ZBTB38: variants seen among roughly 807,000 people sequenced by gnomAD.
The protein encoded by ZBTB38 is zinc finger and BTB domain-containing protein 38.
Under a neutral mutation model 76.8 loss-of-function variants are expected in ZBTB38, and 20 were observed. That is an observed-to-expected ratio of 0.26 (90% CI 0.18 to 0.38). The LOEUF is 0.38. Ranked by LOEUF, ZBTB38 falls within the 10% of genes least tolerant of loss-of-function variation. The probability of loss-of-function intolerance (pLI) is 1.00; values close to 1 mark genes in which losing one functional copy is unlikely to be tolerated. For missense variants in ZBTB38, 1,082 were observed against 1,482.3 expected (o/e 0.73, Z 4.43); for synonymous variants, 504 against 544.2 (o/e 0.93, Z 1.03).
At chr3:141,339,942 C>G (rs1028493751) in intron 1 of ZBTB38, among the ~76,000 whole-genome samples, 1 of 152,092 alleles carries the variant, frequency 6.6e-6, no homozygotes, top group African/African-American at 2.4e-5. Context: ...AACTATTTTG[C>G]TTATTACTTA....
rs147423934 is a variant in ZBTB38, at chr3:141,343,669, C to T, written c.-739+19213C>T. ...TTGAAGATACCAGGCAAGCTGGGAC[C>T]GACACAGAAAATGGACCAATATCTT... On this transcript the variant is annotated intron_variant, in intron 1 of 7. Coordinates refer to the ZBTB38 transcript ENST00000509842. 9.5e-4 allele frequency among the ~76,000 whole-genome samples: 145 copies of T among 152,228 alleles called. 1 individual carries two copies. The highest frequency in any genetic ancestry group is 3.3e-3 in the African/African-American group (137 of 41,532).
chr3:141,371,041 C>CTTTTT (rs1944488920), intron 2 of ZBTB38, among the ~76,000 whole-genome samples: 3 of 75,456 alleles, frequency 4.0e-5, no homozygotes, highest in Non-Finnish European at 8.0e-5. Flanking sequence ...TCTTTTCTTT[C>CTTTTT]TTTCTTTTTT....
At chr3:141,346,737 G>T (rs1467745386) in intron 1 of ZBTB38, among the ~76,000 whole-genome samples, 1 of 151,244 alleles carries the variant, frequency 6.6e-6, no homozygotes, top group African/African-American at 2.4e-5. Context: ...CAGGCTGAAG[G>T]CACCCCTGCT....
At chr3:141,342,239 C>T (rs905408002) in intron 1 of ZBTB38, among the ~76,000 whole-genome samples, 5 of 151,942 alleles carry the variant, frequency 3.3e-5, no homozygotes, top group Non-Finnish European at 7.4e-5. Context: ...GCAGGAGAAT[C>T]GCTTGAACCC....
chr3:141,384,317 C>G lies in ZBTB38; in HGVS notation c.-171-2555C>G, dbSNP rs530158384. Among the ~76,000 whole-genome samples, 4 of 152,360 alleles carry G rather than the reference C, an allele frequency of 2.6e-5. No homozygotes were observed. In the South Asian group the frequency reaches 8.3e-4, roughly 32 times the overall value. ...TAAAGGGAATAGAACACTATTTACT[C>G]ATCTCCTGGGAGCCTAATATGGATT... On this transcript the variant is annotated intron_variant, in intron 3 of 5. Coordinates refer to ENST00000321464, the MANE Select transcript of ZBTB38 (RefSeq NM_001376113.1).
chr3:141,399,355 C>A (rs934083618), intron 4 of ZBTB38, among the ~76,000 whole-genome samples: 6 of 152,160 alleles, frequency 3.9e-5, no homozygotes, highest in African/African-American at 1.4e-4. Flanking sequence ...ACACATTTAT[C>A]TGCCTGGCTC....
chr3:141,441,686 A>G (rs2080261764), intron 5 of ZBTB38, among the ~76,000 whole-genome samples: 1 of 152,168 alleles, frequency 6.6e-6, no homozygotes, highest in South Asian at 2.1e-4. Context: ...CTTTGCATAT[A>G]GGTACCACTT....
intron 1 of ZBTB38, among the ~76,000 whole-genome samples, chr3:141,326,864 A>G (rs997300953): frequency 3.9e-5 from 6 of 152,156 alleles, no homozygotes; most frequent in Admixed American, 3.9e-4. Flanking sequence ...CAGTTAGGCC[A>G]GGCTCGTTTG....
intron 1 of ZBTB38, among the ~76,000 whole-genome samples, chr3:141,360,194 C>A (rs77010587): frequency 0.058 from 8,870 of 152,176 alleles, 490 homozygotes; most frequent in Admixed American, 0.14. Context: ...ACACATGCAC[C>A]ACACAATTCA....
chr3:141,371,071 T>TTTTTG (rs869104925), intron 2 of ZBTB38, among the ~76,000 whole-genome samples: 1 of 134,474 alleles, frequency 7.4e-6, no homozygotes, highest in African/African-American at 3.1e-5. Context: ...TTTTTTTTTT[T>TTTTTG]GAGGCAGAGT....
At chr3:141,346,631 C>T (rs1295401071) in intron 1 of ZBTB38, among the ~76,000 whole-genome samples, 2 of 152,108 alleles carry the variant, frequency 1.3e-5, no homozygotes, top group African/African-American at 4.8e-5. Flanking sequence ...TACAGTGAGA[C>T]GCTCAGACGA....
At chr3:141,342,899 A>G (rs1419834623) in intron 1 of ZBTB38, among the ~76,000 whole-genome samples, 1 of 151,996 alleles carries the variant, frequency 6.6e-6, no homozygotes, top group Non-Finnish European at 1.5e-5. Flanking sequence ...CAGGTCTTTT[A>G]AGCTAGGGGT....
intron 1 of ZBTB38, among the ~76,000 whole-genome samples, chr3:141,334,405 TTTCC>T (rs56692861): frequency 0.19 from 24,251 of 130,082 alleles, 2,464 homozygotes; most frequent in South Asian, 0.23. Flanking sequence ...TCCTTCCTTC[TTTCC>T]TTCCTTCCTT....
chr3:141,381,199 C>T (rs1010767069), intron 2 of ZBTB38, among the ~76,000 whole-genome samples: 2 of 152,156 alleles, frequency 1.3e-5, no homozygotes, highest in African/African-American at 2.4e-5. Context: ...GTTTCAAATG[C>T]ACTGATGCAC....
chr3:141,429,301 G>A (rs6440007), intron 5 of ZBTB38, among the ~76,000 whole-genome samples: 27,420 of 150,140 alleles, frequency 0.18, 3,941 homozygotes, highest in African/African-American at 0.4. Flanking sequence ...TTGTGAGTGC[G>A]GGGGACGGCG....
intron 4 of ZBTB38, among the ~76,000 whole-genome samples, chr3:141,399,545 C>A (rs1376669154): frequency 1.3e-5 from 2 of 152,036 alleles, no homozygotes; most frequent in Admixed American, 1.3e-4. Flanking sequence ...AAGAGATAAG[C>A]AGCCAAATTA....
Position 141,444,577 on chromosome 3 carries a change from G to A in ZBTB38, c.2189G>A (p.Ser730Asn). The A allele has an allele frequency of 1.2e-6, 2 of 1,614,176 alleles. No individual in the cohort carries two copies. The highest frequency in any genetic ancestry group is 1.7e-6 in the Non-Finnish European group (2 of 1,180,032). ...SSQFSSVIMHSNAIAAMTSSN... is the reference protein window; with the variant it reads ...SSQFSSVIMHNNAIAAMTSSN... Reference sequence around the variant, plus strand: ...CAGTTTTCATCGGTGATCATGCACAGCAATGCCATTGCTGCCATGACCAGC... The same window carrying A: ...CAGTTTTCATCGGTGATCATGCACAACAATGCCATTGCTGCCATGACCAGC... The change falls in exon 6 of 6, where the codon AGC (serine) becomes AAC (asparagine). Residue 730 changes from serine (S) to asparagine (N), a missense_variant. Physicochemically the swap from Ser to Asn is conservative, Grantham distance 46. This residue lies in a region of ZBTB38 where 471 missense variants were observed against 581.0 expected (regional missense o/e 0.81). Coordinates refer to ENST00000321464, the MANE Select transcript of ZBTB38 (RefSeq NM_001376113.1). This position sits in a 1 kb window ranked among gnomAD's most constrained non-coding sequence, Gnocchi z 5.1.
chr3:141,335,450 C>T (rs1942986608), intron 1 of ZBTB38, among the ~76,000 whole-genome samples: 1 of 152,206 alleles, frequency 6.6e-6, no homozygotes, highest in Non-Finnish European at 1.5e-5. Context: ...CAGCTGAAAG[C>T]CTGGGCTTAG....
At chr3:141,377,921 C>T (rs1945621080) in intron 2 of ZBTB38, among the ~76,000 whole-genome samples, 1 of 152,158 alleles carries the variant, frequency 6.6e-6, no homozygotes, top group South Asian at 2.1e-4. Flanking sequence ...CACGGTGGCT[C>T]ATGCTTGTAA....
Sources: allele counts gnomAD v4.1 joint callset (sites outside exome capture counted in the v4.1 genomes callset), GRCh38; gene constraint gnomAD v4.1.1; regional missense constraint gnomAD v4.1.1; non-coding constraint Gnocchi (gnomAD v3.1); transcripts MANE v1.5; gene names NCBI Gene and HGNC (gene_info 2026-07-23, HGNC 2026-07-21).